ASPRV1: variants seen among roughly 807,000 people sequenced by gnomAD.
ASPRV1 encodes aspartic peptidase retroviral like 1, also known as retroviral-like aspartic protease 1.
A neutral mutation model predicts 11.0 loss-of-function variants in ASPRV1; 7 were observed. The observed-to-expected ratio is 0.64, with a 90% CI of 0.36 to 1.20. The LOEUF (loss-of-function observed/expected upper bound fraction) is 1.20. Ranked by LOEUF, ASPRV1 falls within the 50% of genes most tolerant of loss-of-function variation. The pLI, the probability that ASPRV1 is intolerant of heterozygous loss-of-function variation, is 0.02. For missense variants in ASPRV1, 299 were observed against 320.0 expected, an observed-to-expected ratio of 0.93 and a Z score of 0.50; for synonymous variants, 136 against 138.4, an observed-to-expected ratio of 0.98 and a Z score of 0.12.
At chr2:69,991,850 A>G in the ASPRV1 span, among the ~76,000 whole-genome samples, 1 of 152,204 alleles carries the variant, frequency 6.6e-6, no homozygotes, top group East Asian at 1.9e-4. Flanking sequence ...GGCTTTATTT[A>G]AAAAAAGGAA....
the ASPRV1 span, among the ~76,000 whole-genome samples, chr2:70,042,326 C>A: frequency 6.6e-6 from 1 of 152,106 alleles, no homozygotes; most frequent in South Asian, 2.1e-4. Context: ...AGGCGAAGTT[C>A]AAGGTGGTCA....
At chr2:69,963,357 C>CG (rs1226284816), upstream of ASPRV1, 1 of 456,554 alleles carries the variant, frequency 2.2e-6, no homozygotes, top group Admixed American at 2.3e-5. Flanking sequence ...CCCAGCCACA[C>CG]GCAAGACCAG....
At chr2:69,936,992 A>G in the ASPRV1 span, 2 of 625,006 alleles carry the variant, frequency 3.2e-6, no homozygotes, top group South Asian at 3.0e-5. Context: ...AGTATGTGAG[A>G]GCTCACCCCC....
At chr2:69,968,453 G>A in the ASPRV1 span, 1 of 152,144 alleles carries the variant, frequency 6.6e-6, no homozygotes, top group African/African-American at 2.4e-5. Context: ...GAACCCAGGA[G>A]GTGGAGGTCG....
At chr2:70,032,480 G>A in the ASPRV1 span, among the ~76,000 whole-genome samples, 24 of 149,884 alleles carry the variant, frequency 1.6e-4, no homozygotes, top group Admixed American at 1.0e-3. Flanking sequence ...AACCTGGCGA[G>A]ACTTGGTCTC....
chr2:69,989,703 G>A, the ASPRV1 span, among the ~76,000 whole-genome samples: 1 of 152,232 alleles, frequency 6.6e-6, no homozygotes, highest in African/African-American at 2.4e-5. Context: ...AGAGGCACTG[G>A]CCCGCCAACC....
At chr2:69,996,867 G>T in the ASPRV1 span, 1 of 336,212 alleles carries the variant, frequency 3.0e-6, no homozygotes, top group Non-Finnish European at 6.0e-6. Context: ...CCTCTGTCAA[G>T]GAGTGTGGAA....
chr2:70,086,226 A>G, the ASPRV1 span: 1 of 152,000 alleles, frequency 6.6e-6, no homozygotes, highest in African/African-American at 2.4e-5. Context: ...GCCGACCCCA[A>G]TTTCTCGTTG....
chr2:70,080,334 C>T, the ASPRV1 span, among the ~76,000 whole-genome samples: 1 of 151,976 alleles, frequency 6.6e-6, no homozygotes, highest in African/African-American at 2.4e-5. Context: ...TCAAGCAATT[C>T]TCCTACCTCA....
At chr2:70,074,283 T>C in the ASPRV1 span, among the ~76,000 whole-genome samples, 9 of 149,880 alleles carry the variant, frequency 6.0e-5, no homozygotes, top group Non-Finnish European at 1.3e-4. Context: ...AGAGGCCATC[T>C]AGAGCAACTG....
the ASPRV1 span, among the ~76,000 whole-genome samples, chr2:70,039,331 G>C: frequency 1.3e-5 from 2 of 152,160 alleles, no homozygotes; most frequent in African/African-American, 2.4e-5. Flanking sequence ...CAGTGTACTT[G>C]ATCTAGTAAA....
chr2:70,010,252 C>G, the ASPRV1 span, among the ~76,000 whole-genome samples: 1 of 151,886 alleles, frequency 6.6e-6, no homozygotes, highest in African/African-American at 2.4e-5. Context: ...GCTCTAAGGA[C>G]GTGATAAGGG....
the ASPRV1 span, among the ~76,000 whole-genome samples, chr2:70,035,917 AG>A: frequency 8.8e-4 from 134 of 151,994 alleles, no homozygotes; most frequent in African/African-American, 3.1e-3. Context: ...CACTGGTCTA[AG>A]TCAATATGCT....
the ASPRV1 span, among the ~76,000 whole-genome samples, chr2:70,069,720 G>A: frequency 6.6e-6 from 1 of 152,020 alleles, no homozygotes; most frequent in Non-Finnish European, 1.5e-5. Flanking sequence ...GTTCATAATG[G>A]CCCTCTCAAT....
chr2:69,936,924 G>A, the ASPRV1 span: 1 of 514,728 alleles, frequency 1.9e-6, no homozygotes, highest in Admixed American at 2.3e-5. Context: ...GGGAGATCAG[G>A]TTGGGGACTG....
the ASPRV1 span, among the ~76,000 whole-genome samples, chr2:69,978,656 A>C: frequency 6.6e-6 from 1 of 152,240 alleles, no homozygotes; most frequent in Admixed American, 6.5e-5. Flanking sequence ...GCCCTTTCCC[A>C]GCCTGACACG....
the ASPRV1 span, chr2:70,049,751 G>C: frequency 6.6e-6 from 1 of 152,196 alleles, no homozygotes; most frequent in Admixed American, 6.5e-5. Flanking sequence ...AATTCAGACT[G>C]TGAGTTCTGA....
At chr2:70,047,210 G>A in the ASPRV1 span, among the ~76,000 whole-genome samples, 261 of 152,262 alleles carry the variant, frequency 1.7e-3, no homozygotes, top group Non-Finnish European at 2.9e-3. Flanking sequence ...GTGAGAGTGG[G>A]TAAGAACAAG....
the ASPRV1 span, chr2:70,030,989 T>C: frequency 6.6e-6 from 1 of 152,124 alleles, no homozygotes; most frequent in East Asian, 1.9e-4. Flanking sequence ...AACATATCAT[T>C]ACAATGATAA....
Sources: allele counts gnomAD v4.1 joint callset (sites outside exome capture counted in the v4.1 genomes callset), GRCh38; gene constraint gnomAD v4.1.1; transcripts MANE v1.5; gene names NCBI Gene and HGNC (gene_info 2026-07-23, HGNC 2026-07-21).